The following HPGDS variants were observed in gnomAD, a reference collection of about 807,000 sequenced individuals.
The protein encoded by HPGDS is GST class-sigma.
HPGDS carries 26 observed loss-of-function variants against 23.1 expected under a neutral mutation model. That is an observed-to-expected ratio of 1.13 (90% CI 0.83 to 1.56). The LOEUF (loss-of-function observed/expected upper bound fraction) is 1.56, where lower values mean the gene tolerates loss of function less well. Among genes scored for constraint, HPGDS ranks in the 40% most tolerant of loss-of-function variants. The pLI is 0.00. For synonymous variants in HPGDS, 95 were observed against 77.9 expected (o/e 1.22, Z -1.16); for missense variants, 268 against 236.4 (o/e 1.13, Z -0.88).
rs554148528 is a variant in HPGDS at position 94,313,493 on chromosome 4, C to T, written c.226+4380G>A. 6.6e-5 allele frequency among the ~76,000 whole-genome samples: 10 copies of T among 152,354 alleles called. No homozygotes were observed. In the South Asian group the frequency reaches 2.1e-3, roughly 32 times the overall value. The stretch of plus-strand genomic sequence containing the variant: ...CACTCTCTTCTGGCTTGTAGAGTTT[C>T]TGCTGAGAGATCAGCTGTTAGTCTG... On this transcript the variant is annotated intron_variant, in intron 3 of 5. Coordinates refer to ENST00000295256, the MANE Select transcript of HPGDS (RefSeq NM_014485.3).
chr4:94,326,119 T>A (rs1756627277), intron 2 of HPGDS, among the ~76,000 whole-genome samples: 1 of 152,112 alleles, frequency 6.6e-6, no homozygotes, highest in Non-Finnish European at 1.5e-5. Context: ...TTTTTGGAAT[T>A]CTCTTTGTCC....
intron 1 of HPGDS, among the ~76,000 whole-genome samples, chr4:94,335,498 G>A (rs35744894): frequency 0.26 from 39,400 of 152,142 alleles, 6,372 homozygotes; most frequent in Non-Finnish European, 0.35. Flanking sequence ...AACTGAGAAA[G>A]AAATGTTTTC....
chr4:94,299,635 C>T lies in HPGDS; in HGVS notation c.445G>A (p.Ala149Thr), dbSNP rs763143703. 2 of 1,613,228 alleles carry T rather than the reference C, an allele frequency of 1.2e-6. No homozygotes were observed. Among genetic ancestry groups the T allele is most frequent in the East Asian group, 4.5e-5 (2 of 44,868 alleles). ...CTGCAAATCTCCCAGTAGAAGTCTG[C>T]CCAAGTTACCTAGTTTAAAGGAAAC... ...EWLIGNSVTW[A>T]DFYWEICSTT... The change falls in exon 6 of 6, where the codon GCA becomes ACA. Residue 149 changes from alanine to threonine, a missense_variant. By Grantham distance (58) the Ala-to-Thr change is moderately conservative. Transcript: ENST00000295256.
intron 2 of HPGDS, among the ~76,000 whole-genome samples, chr4:94,324,132 G>A (rs980576632): frequency 6.6e-6 from 1 of 152,214 alleles, no homozygotes; most frequent in African/African-American, 2.4e-5. Context: ...GAGATCAGCT[G>A]TTAGTCTGAT....
In HPGDS at chr4:94,332,321, G is replaced by A. The variant is rs113624881; in HGVS notation, c.133+2176C>T. ...TTCTTCGGACGCTGGACAACAGCTT[G>A]GGACCCACTAAGTGCAGGGACCCAC... On this transcript the variant is annotated intron_variant, in intron 2 of 5. Coordinates refer to ENST00000295256, the MANE Select transcript of HPGDS (RefSeq NM_014485.3). Among the ~76,000 whole-genome samples the A allele has an allele frequency of 7.7e-4, 117 of 152,304 alleles. 1 individual carries two copies. Among genetic ancestry groups the A allele is most frequent in the Non-Finnish European group, 5.1e-4 (35 of 68,018 alleles).
At position 94,336,220 on chromosome 4, in the gene HPGDS, AAG is replaced by A. The variant is rs1170906928; in HGVS notation, c.-9-1584_-9-1583del. Among the ~76,000 whole-genome samples the A allele has an allele frequency of 4.3e-3, 618 of 142,382 alleles. 2 individuals are homozygous for A. The highest frequency in any genetic ancestry group is 0.018 in the African/African-American group (579 of 32,566). 93.4% of individuals were successfully genotyped at this position (142,382 alleles called of 152,430 possible). A position where few individuals can be genotyped will look rare whatever the true frequency, so the allele number is the denominator to read the frequency against. On this transcript the variant is annotated intron_variant, in intron 1 of 5. Transcript: ENST00000295256. The stretch of plus-strand genomic sequence containing the variant: ...GACGCCGTCTCAAAAAAAAAAAAAA[AAG>A]AAAGAAAGAAATCACACCACATAAA...
At chr4:94,328,743 C>T (rs540132181) in intron 2 of HPGDS, among the ~76,000 whole-genome samples, 23 of 152,272 alleles carry the variant, frequency 1.5e-4, no homozygotes, top group South Asian at 4.1e-4. Context: ...TTAATGACTA[C>T]GTAATACTTT....
At chr4:94,329,719 A>G (rs1485228989) in intron 2 of HPGDS, among the ~76,000 whole-genome samples, 6 of 152,224 alleles carry the variant, frequency 3.9e-5, no homozygotes. Flanking sequence ...GTTTGAGCCA[A>G]CCTTGGGATA....
chr4:94,303,510 A>C (rs1338009355), intron 4 of HPGDS, among the ~76,000 whole-genome samples: 1 of 152,144 alleles, frequency 6.6e-6, no homozygotes, highest in African/African-American at 2.4e-5. Context: ...GAAGCTTATA[A>C]AGCTTGTCAT....
intron 2 of HPGDS, among the ~76,000 whole-genome samples, chr4:94,328,602 T>A (rs1009975240): frequency 1.2e-4 from 19 of 152,258 alleles, no homozygotes; most frequent in African/African-American, 4.6e-4. Flanking sequence ...AATATTTTAA[T>A]TGATTTCTCA....
intron 3 of HPGDS, among the ~76,000 whole-genome samples, chr4:94,315,859 G>T (rs140316824): frequency 6.6e-6 from 1 of 152,038 alleles, no homozygotes; most frequent in Admixed American, 6.6e-5. Flanking sequence ...CCACCTCAAG[G>T]CTTCAGCTAA....
chr4:94,317,741 T>C, intron 3 of HPGDS, 132 bp downstream of exon 3: 1 of 547,704 alleles, frequency 1.8e-6, no homozygotes, highest in South Asian at 3.0e-5. Context: ...GGTATATTTA[T>C]ACTTTTCTCT....
chr4:94,324,174 T>C (rs1424950062), intron 2 of HPGDS, among the ~76,000 whole-genome samples: 1 of 152,204 alleles, frequency 6.6e-6, no homozygotes, highest in East Asian at 1.9e-4. Context: ...CTGACCTTTC[T>C]CTCTGGTTGC....
intron 1 of HPGDS, among the ~76,000 whole-genome samples, chr4:94,336,162 C>T (rs376862841): frequency 1.4e-4 from 21 of 148,842 alleles, no homozygotes; most frequent in African/African-American, 3.2e-4. Flanking sequence ...CCCAAGATCA[C>T]GCCACTGCAC....
At chr4:94,332,155 G>A (rs527852990) in intron 2 of HPGDS, among the ~76,000 whole-genome samples, 3 of 152,158 alleles carry the variant, frequency 2.0e-5, no homozygotes, top group Admixed American at 6.5e-5. Context: ...GCTGGACTTC[G>A]GAGGAGAGAT....
chr4:94,301,720 A>G (rs925519285), intron 5 of HPGDS, among the ~76,000 whole-genome samples: 2 of 152,170 alleles, frequency 1.3e-5, no homozygotes, highest in African/African-American at 4.8e-5. Context: ...AGTACCACCA[A>G]CAATATGATT....
intron 3 of HPGDS, among the ~76,000 whole-genome samples, chr4:94,312,118 T>C (rs890824360): frequency 7.2e-5 from 11 of 152,072 alleles, no homozygotes; most frequent in Non-Finnish European, 1.5e-4. Flanking sequence ...TTTTGAAGGG[T>C]TTTTTGTGTC....
At chr4:94,308,767 C>T (rs763545203) in intron 3 of HPGDS, 24 bp from the exon 4 acceptor site, 1 of 1,230,202 alleles carries the variant, frequency 8.1e-7, no homozygotes, top group East Asian at 2.4e-5. Flanking sequence ...AGAGGCCCAT[C>T]AATATGTTTA....
intron 1 of HPGDS, among the ~76,000 whole-genome samples, chr4:94,335,809 A>G (rs1720996614): frequency 6.6e-6 from 1 of 152,240 alleles, no homozygotes; most frequent in African/African-American, 2.4e-5. Flanking sequence ...GTGAGTTTAA[A>G]TAGTTTATTC....
Sources: gnomAD v4.1 joint callset for allele counts (sites outside exome capture counted in the v4.1 genomes callset) on GRCh38, gnomAD v4.1.1 for gene constraint, MANE v1.5 for transcripts, NCBI Gene and HGNC (gene_info 2026-07-23, HGNC 2026-07-21) for gene names.